Variants in TFEB observed in about 807,000 individuals in gnomAD.
The protein encoded by TFEB is T-cell transcription factor EB.
In TFEB, 12 loss-of-function variants were observed where a neutral mutation model predicts 48.0. The ratio of observed to expected loss-of-function variants is 0.25; its 90% confidence interval spans 0.16 to 0.40. TFEB has a LOEUF of 0.40. Among genes scored for constraint, TFEB ranks in the 10% least tolerant of loss-of-function variants. The pLI, the probability that TFEB is intolerant of heterozygous loss-of-function variation, is 1.00. For synonymous variants in TFEB, 244 were observed against 261.4 expected, an observed-to-expected ratio of 0.93 and a Z score of 0.64; for missense variants, 509 against 640.3, an observed-to-expected ratio of 0.79 and a Z score of 2.21.
intron 1 of TFEB, among the ~76,000 whole-genome samples, chr6:41,701,805 C>T (rs1222630584): frequency 1.3e-5 from 2 of 151,924 alleles, no homozygotes; most frequent in Non-Finnish European, 2.9e-5. Context: ...ATTAGCCAGG[C>T]GCGGTGGCAC....
intron 1 of TFEB, among the ~76,000 whole-genome samples, chr6:41,725,636 A>T (rs1053536203): frequency 7.9e-5 from 12 of 152,232 alleles, no homozygotes; most frequent in African/African-American, 2.9e-4. Context: ...AACCGTTTTG[A>T]TCATATATTC....
rs1403152661 is a variant in TFEB at position 41,724,903 on chromosome 6, G to T, written c.-23+10447C>A. Among the ~76,000 whole-genome samples the T allele has an allele frequency of 2.0e-5, 3 of 152,108 alleles. No homozygotes were observed. The highest frequency in any genetic ancestry group is 4.4e-5 in the Non-Finnish European group (3 of 68,022). On this transcript the variant is annotated intron_variant, in intron 1 of 8. Coordinates refer to ENST00000373033, the MANE Select transcript of TFEB (RefSeq NM_001271944.2). The surrounding 1 kb of genome is among the most constrained non-coding windows in gnomAD (Gnocchi z 4.4). Reference sequence around the variant, plus strand: ...TGATGCCTCCAGCTTGGTGGACAGGGAACACAGTCAAGGAAGAAGGGCCAG... The same window carrying T: ...TGATGCCTCCAGCTTGGTGGACAGGTAACACAGTCAAGGAAGAAGGGCCAG...
At position 41,690,735 on chromosome 6, in the gene TFEB, G is replaced by C. The variant is rs373529152; in HGVS notation, c.396C>G (p.Ser132=). The C allele has an allele frequency of 2.6e-5, 41 of 1,598,340 alleles. No homozygotes were observed. In the African/African-American group the frequency reaches 4.1e-4, roughly 16 times the overall value. ...SPGVRAGHVL[S]SSAGNSAPNS... is the part of the protein sequence containing the mutation. Reference sequence around the variant, plus strand: ...TGGGAGCACTGTTGCCAGCGGAGGAGGACAGCACGTGTCCAGCTCGCACCC... The same window carrying C: ...TGGGAGCACTGTTGCCAGCGGAGGACGACAGCACGTGTCCAGCTCGCACCC... The change falls in exon 3 of 9, where the codon TCC becomes TCG. Residue 132 remains serine (S), a synonymous_variant. Coordinates refer to ENST00000373033, the MANE Select transcript of TFEB (RefSeq NM_001271944.2).
intron 1 of TFEB, among the ~76,000 whole-genome samples, chr6:41,695,475 A>T (rs1769529702): frequency 6.6e-6 from 1 of 152,204 alleles, no homozygotes; most frequent in South Asian, 2.1e-4. Context: ...TTTCTTCCCA[A>T]CAACCCAATG....
intron 1 of TFEB, among the ~76,000 whole-genome samples, chr6:41,706,835 A>T (rs1770250468): frequency 6.9e-6 from 1 of 145,370 alleles, no homozygotes; most frequent in South Asian, 2.4e-4. Context: ...GCCCACACCC[A>T]GGTATGAAAG....
At chr6:41,722,017 C>T (rs1771005342) in intron 1 of TFEB, among the ~76,000 whole-genome samples, 2 of 152,320 alleles carry the variant, frequency 1.3e-5, no homozygotes, top group African/African-American at 4.8e-5. Context: ...CTCCCTCCGT[C>T]GTTCAGGCTG....
chr6:41,690,184 G>A (rs1769223630), intron 3 of TFEB, among the ~76,000 whole-genome samples: 1 of 150,962 alleles, frequency 6.6e-6, no homozygotes, highest in Admixed American at 6.6e-5. Context: ...AGGCTGAAGT[G>A]CAGTGGCTCG....
At chr6:41,700,910 C>T (rs887067418) in intron 1 of TFEB, among the ~76,000 whole-genome samples, 1 of 152,210 alleles carries the variant, frequency 6.6e-6, no homozygotes, top group African/African-American at 2.4e-5. Flanking sequence ...CATTGCAGAC[C>T]AGGGAGTCGC....
At position 41,730,396 on chromosome 6, in the gene TFEB, A is replaced by G. The variant is rs12664901; in HGVS notation, c.-23+4954T>C. On this transcript the variant is annotated intron_variant, in intron 1 of 8. Transcript: ENST00000373033. This position sits in a 1 kb window ranked among gnomAD's most constrained non-coding sequence, Gnocchi z 4.1. ...CCTGGATTAATCCCTACAGCACCGC[A>G]TCTTACTCTGGGACCACTGCTGAAT... Among the ~76,000 whole-genome samples, 16,480 of 152,240 alleles carry G rather than the reference A, an allele frequency of 0.11. 1,075 individuals are homozygous for G. Among genetic ancestry groups the G allele is most frequent in the East Asian group, 0.23 (1,212 of 5,164 alleles).
intron 1 of TFEB, among the ~76,000 whole-genome samples, chr6:41,721,800 G>A (rs1028716033): frequency 1.1e-4 from 17 of 152,172 alleles, no homozygotes; most frequent in Non-Finnish European, 2.5e-4. Flanking sequence ...AACAGTAACT[G>A]GCTCAGACAG....
At chr6:41,702,620 C>T (rs1561859885) in intron 1 of TFEB, among the ~76,000 whole-genome samples, 1 of 139,134 alleles carries the variant, frequency 7.2e-6, no homozygotes, top group Admixed American at 6.9e-5. Context: ...CTACGTCAGC[C>T]TATGTGGTCA....
At chr6:41,697,617 C>T (rs1471640938) in intron 1 of TFEB, among the ~76,000 whole-genome samples, 13 of 150,374 alleles carry the variant, frequency 8.6e-5, no homozygotes, top group Admixed American at 8.6e-4. Flanking sequence ...AGCAATTTGG[C>T]AATATATGTC....
intron 3 of TFEB, among the ~76,000 whole-genome samples, chr6:41,690,231 A>G (rs553144126): frequency 1.3e-5 from 2 of 151,956 alleles, no homozygotes; most frequent in Admixed American, 1.3e-4. Context: ...TCCCGATTCA[A>G]GTGATTCTCC....
At position 41,684,626 on chromosome 6, in the gene TFEB, GA is replaced by G. The variant is rs1447808575; in HGVS notation, c.1403del (p.Phe468SerfsTer78). 1 of 1,602,338 alleles carries G rather than the reference GA, an allele frequency of 6.2e-7. No individual in the cohort carries two copies. The highest frequency in any genetic ancestry group is 1.7e-5 in the Admixed American group (1 of 58,908). On this transcript the variant is annotated frameshift_variant, in exon 9 of 9. Coordinates refer to ENST00000373033, the MANE Select transcript of TFEB (RefSeq NM_001271944.2). LOFTEE classifies it high-confidence loss of function. ...ACAGCACATCGCCCTCCTCCATGCT[GA>G]AGCTGCTCCGGCGGCTGCTGGCCTT... ...ASKASSRRSS[F>X]SMEEGDVL is the part of the protein sequence containing the mutation.
chr6:41,697,961 TA>T (rs1395745830), intron 1 of TFEB, among the ~76,000 whole-genome samples: 2 of 152,228 alleles, frequency 1.3e-5, no homozygotes, highest in Admixed American at 1.3e-4. Context: ...GATGTAACCA[TA>T]AGTATTTTGT....
At position 41,688,301 on chromosome 6, in the gene TFEB, A is replaced by C. The variant is rs868124664; in HGVS notation, c.550-273T>G. 13 of 398,430 alleles carry C rather than the reference A, an allele frequency of 3.3e-5. 1 individual carries two copies. The highest frequency in any genetic ancestry group is 6.4e-4 in the Middle Eastern group (1 of 1,552). The allele number at this position is 398,430 out of a possible 1,614,324, so 24.7% of individuals were successfully genotyped here. ...GTGATAGGATTAGGCCCCAGGCATT[A>C]TGGAAGCCCTAGAGCAGGTCATCTA... On this transcript the variant is annotated intron_variant, in intron 4 of 8. Coordinates refer to ENST00000373033, the MANE Select transcript of TFEB (RefSeq NM_001271944.2).
At chr6:41,712,293 C>G (rs1770516697) in intron 1 of TFEB, among the ~76,000 whole-genome samples, 1 of 152,298 alleles carries the variant, frequency 6.6e-6, no homozygotes, top group South Asian at 2.1e-4. Context: ...CCTCTTCTAC[C>G]CTGGGGACAT....
chr6:41,697,408 C>CAAAAAAAAAAAAAAAAAAAAAAAAAAAAA (rs56059829), intron 1 of TFEB, among the ~76,000 whole-genome samples: 5 of 63,518 alleles, frequency 7.9e-5, no homozygotes, highest in African/African-American at 4.3e-4. Flanking sequence ...AACTCCATCT[C>CAAAAAAAAAAAAAAAAAAAAAAAAAAAAA]AAAAAAAAAA....
At chr6:41,688,536 T>A (rs1173108078) in intron 4 of TFEB, among the ~76,000 whole-genome samples, 2 of 152,028 alleles carry the variant, frequency 1.3e-5, no homozygotes, top group African/African-American at 4.8e-5. Flanking sequence ...CAGTACAGTG[T>A]TTGACTTGCA....
Sources: allele counts gnomAD v4.1 joint callset (sites outside exome capture counted in the v4.1 genomes callset), GRCh38; gene constraint gnomAD v4.1.1; non-coding constraint Gnocchi (gnomAD v3.1); transcripts MANE v1.5; gene names NCBI Gene and HGNC (gene_info 2026-07-23, HGNC 2026-07-21).